Variants in MSL2 observed in about 807,000 individuals in gnomAD.
The protein encoded by MSL2 is E3 ubiquitin-protein ligase MSL2.
A neutral mutation model predicts 35.8 loss-of-function variants in MSL2; 2 were observed. The ratio of observed to expected loss-of-function variants is 0.06; its 90% CI spans 0.02 to 0.18. The LOEUF (loss-of-function observed/expected upper bound fraction) is 0.18. Among genes scored for constraint, MSL2 ranks in the 10% least tolerant of loss-of-function variants. The pLI is 1.00. For missense variants in MSL2, 523 were observed against 706.7 expected (o/e 0.74, Z 2.95); for synonymous variants, 296 against 255.7 (o/e 1.16, Z -1.50).
At chr3:136,175,343 C>CAA (rs34663683) in intron 1 of MSL2, among the ~76,000 whole-genome samples, 10 of 120,242 alleles carry the variant, frequency 8.3e-5, no homozygotes, top group Admixed American at 3.6e-4. Flanking sequence ...GACTCCGTCT[C>CAA]AAAAAAAAAA....
chr3:136,159,091 A>C (rs995237078), intron 1 of MSL2, among the ~76,000 whole-genome samples: 1 of 152,212 alleles, frequency 6.6e-6, no homozygotes, highest in Non-Finnish European at 1.5e-5. Flanking sequence ...AGAAATTGAC[A>C]GGCTGATCCT....
chr3:136,153,972 A>G lies in MSL2; in HGVS notation c.143-1234T>C, dbSNP rs58454932. The stretch of plus-strand genomic sequence containing the variant: ...GTGATGGGCACCTGTAATCCCAGCT[A>G]TTCAGGAGGCTGAGGCAGGAGAATC... On this transcript the variant is annotated intron_variant, in intron 1 of 1. Coordinates refer to ENST00000309993, the MANE Select transcript of MSL2 (RefSeq NM_018133.4). 4.9e-3 allele frequency among the ~76,000 whole-genome samples: 735 copies of G among 149,572 alleles called. 7 individuals carry two copies. The highest frequency in any genetic ancestry group is 0.018 in the African/African-American group (715 of 40,678).
At position 136,152,144 on chromosome 3, in the gene MSL2, A is replaced by G. The variant is rs1455124485; in HGVS notation, c.737T>C (p.Leu246Ser). The G allele has an allele frequency of 3.1e-6, 5 of 1,614,216 alleles. No individual in the cohort carries two copies. Among genetic ancestry groups the G allele is most frequent in the Non-Finnish European group, 3.4e-6 (4 of 1,180,042 alleles). Residue 246 changes from leucine (L) to serine (S), a missense_variant, in exon 2 of 2, where the codon TTA becomes TCA. By Grantham distance (145) the Leu-to-Ser change is moderately radical. Coordinates refer to ENST00000309993, the MANE Select transcript of MSL2 (RefSeq NM_018133.4). ...PPVCDTVATD[L>S]CSTGIDICSF... ...GCAGATATCAATGCCTGTGGAACATAAGTCAGTGGCTACTGTGTCACAAAC... is the reference window on the plus strand; with the variant it reads ...GCAGATATCAATGCCTGTGGAACATGAGTCAGTGGCTACTGTGTCACAAAC...
intron 1 of MSL2, among the ~76,000 whole-genome samples, chr3:136,192,128 C>T (rs536739844): frequency 6.6e-6 from 1 of 152,312 alleles, no homozygotes; most frequent in East Asian, 1.9e-4. Context: ...ATATAAGTAT[C>T]TTATGACTGG....
intron 1 of MSL2, among the ~76,000 whole-genome samples, chr3:136,161,104 G>C (rs1559960301): frequency 6.6e-6 from 1 of 152,076 alleles, no homozygotes. Context: ...AAAGTAAAAT[G>C]AATGACCATA....
At chr3:136,165,111 G>C (rs1939807676) in intron 1 of MSL2, among the ~76,000 whole-genome samples, 1 of 151,734 alleles carries the variant, frequency 6.6e-6, no homozygotes, top group East Asian at 1.9e-4. Flanking sequence ...CTGGCGCTCA[G>C]GTGATCCGCC....
At position 136,193,662 on chromosome 3, in the gene MSL2, C is replaced by T. The variant is rs369573910; in HGVS notation, c.142+1310G>A. Reference sequence around the variant, plus strand: ...ACCAGGCAAACTCTTGATACACTTACATTTGTAAAACTTAAGCTGAAAGGA... The same window carrying T: ...ACCAGGCAAACTCTTGATACACTTATATTTGTAAAACTTAAGCTGAAAGGA... On this transcript the variant is annotated intron_variant, in intron 1 of 1. Transcript: ENST00000309993. Among the ~76,000 whole-genome samples, 38 of 151,810 alleles carry T rather than the reference C, an allele frequency of 2.5e-4. No homozygotes were observed. The South Asian group carries it at 7.5e-3, about 30-fold the overall frequency.
At chr3:136,156,833 C>T (rs1259206910) in intron 1 of MSL2, among the ~76,000 whole-genome samples, 2 of 152,056 alleles carry the variant, frequency 1.3e-5, no homozygotes, top group Admixed American at 6.6e-5. Context: ...CCAGCCTGGG[C>T]GACAGAGCCA....
At chr3:136,153,442 C>T (rs1022156915) in intron 1 of MSL2, among the ~76,000 whole-genome samples, 1 of 152,074 alleles carries the variant, frequency 6.6e-6, no homozygotes, top group African/African-American at 2.4e-5. Flanking sequence ...ATTTTTTCAA[C>T]CAGTTTTTAA....
At chr3:136,152,788 A>AT in intron 1 of MSL2, 50 bp from the exon 2 acceptor site, 1 of 1,576,592 alleles carries the variant, frequency 6.3e-7, no homozygotes, top group Non-Finnish European at 8.6e-7. Flanking sequence ...TAAATTTACC[A>AT]TTTCATAAAC....
chr3:136,165,258 A>G, intron 1 of MSL2, among the ~76,000 whole-genome samples: 1 of 152,116 alleles, frequency 6.6e-6, no homozygotes, highest in East Asian at 1.9e-4. Context: ...CTTATCTGCA[A>G]TATTTCACGA....
chr3:136,154,200 GA>G (rs1430712602), intron 1 of MSL2, among the ~76,000 whole-genome samples: 2 of 151,380 alleles, frequency 1.3e-5, no homozygotes, highest in African/African-American at 2.4e-5. Context: ...ATACAAAATG[GA>G]AAAAATTATA....
chr3:136,188,628 G>C (rs2108094893), intron 1 of MSL2, among the ~76,000 whole-genome samples: 1 of 150,554 alleles, frequency 6.6e-6, no homozygotes, highest in South Asian at 2.1e-4. Flanking sequence ...GCGTATGCCT[G>C]TAGTGTCAGC....
rs71157361 is a variant in MSL2, at chr3:136,159,354, C to CTTTTTTTTTTTTTT, written c.143-6630_143-6617dup. Among the ~76,000 whole-genome samples, 78 of 70,066 alleles carry CTTTTTTTTTTTTTT rather than the reference C, an allele frequency of 1.1e-3. 6 individuals are homozygous for CTTTTTTTTTTTTTT. The highest frequency in any genetic ancestry group is 4.2e-3 in the African/African-American group (76 of 18,016). 46.0% of individuals were successfully genotyped at this position (70,066 alleles called of 152,430 possible). A position where few individuals can be genotyped will look rare whatever the true frequency, so the allele number is the denominator to read the frequency against. On this transcript the variant is annotated intron_variant, in intron 1 of 1. Transcript: ENST00000309993. ...TTCAATGGGGAAAGGAGAGTACTTT[C>CTTTTTTTTTTTTTT]TTTTTTTTTTTTTTTTTTTTTTTTT...
chr3:136,191,446 T>G, intron 1 of MSL2, among the ~76,000 whole-genome samples: 1 of 127,762 alleles, frequency 7.8e-6, no homozygotes, highest in African/African-American at 3.1e-5. Flanking sequence ...CCAGCCTGGG[T>G]GAAAGAACAA....
chr3:136,189,481 T>C (rs1243913037), intron 1 of MSL2, among the ~76,000 whole-genome samples: 8 of 146,726 alleles, frequency 5.5e-5, no homozygotes, highest in African/African-American at 1.8e-4. Flanking sequence ...TCTCAGCACT[T>C]TGGGAGGCGG....
intron 1 of MSL2, among the ~76,000 whole-genome samples, chr3:136,162,568 T>C (rs1939739964): frequency 6.6e-6 from 1 of 152,016 alleles, no homozygotes; most frequent in Non-Finnish European, 1.5e-5. Flanking sequence ...CAACAGAGCC[T>C]GCACCTGTCT....
intron 1 of MSL2, among the ~76,000 whole-genome samples, chr3:136,184,023 T>C (rs184872831): frequency 3.3e-5 from 5 of 152,274 alleles, no homozygotes; most frequent in South Asian, 2.1e-4. Context: ...TGGCCAGGCG[T>C]GGTGGCTCAT....
intron 1 of MSL2, 154 bp from the exon 2 acceptor site, chr3:136,152,892 G>C (rs1939413835): frequency 1.0e-6 from 1 of 985,262 alleles, no homozygotes; most frequent in South Asian, 4.7e-5. Context: ...AGAAACGGAA[G>C]AATCTTCAAT....
Sources: allele counts gnomAD v4.1 joint callset (sites outside exome capture counted in the v4.1 genomes callset), GRCh38; gene constraint gnomAD v4.1.1; transcripts MANE v1.5; gene names NCBI Gene and HGNC (gene_info 2026-07-23, HGNC 2026-07-21).